Variants in ANGPT1 observed in about 807,000 individuals in gnomAD.
ANGPT1 encodes angiopoietin-1.
In ANGPT1, 17 loss-of-function variants were observed where a neutral mutation model predicts 62.2. The observed-to-expected ratio is 0.27, with a 90% CI of 0.19 to 0.41. ANGPT1 has a LOEUF of 0.41. Among genes scored for constraint, ANGPT1 ranks in the 10% least tolerant of loss-of-function variants. The pLI is 1.00. For missense variants in ANGPT1, 478 were observed against 594.9 expected (o/e 0.80, Z 2.04); for synonymous variants, 199 against 198.9 (o/e 1.00, Z 0.00).
In ANGPT1 at chr8:107,347,065, C is replaced by T. The variant is rs12056671; in HGVS notation, c.330G>A (p.Ser110=). ...CATTCTGCTGTATCTGGGCCATCTC[C>T]GACTTCATGTTTTCCACAATGTAAT... ...LENYIVENMK[S]EMAQIQQNAV... Residue 110 remains serine, a synonymous_variant, in exon 2 of 9, where the codon TCG becomes TCA. Transcript: ENST00000517746. 2.7e-5 allele frequency: 44 copies of T among 1,613,290 alleles called. No homozygotes were observed. The highest frequency in any genetic ancestry group is 1.6e-4 in the Middle Eastern group (1 of 6,080).
chr8:107,466,989 C>T (rs1409966784), intron 1 of ANGPT1, among the ~76,000 whole-genome samples: 3 of 152,058 alleles, frequency 2.0e-5, no homozygotes, highest in Non-Finnish European at 1.5e-5. Context: ...GTTAGGACTT[C>T]CTTCCCTCTT....
intron 7 of ANGPT1, among the ~76,000 whole-genome samples, chr8:107,265,963 C>A (rs1195876620): frequency 6.6e-6 from 1 of 151,996 alleles, no homozygotes; most frequent in Non-Finnish European, 1.5e-5. Context: ...AGATTTTGAG[C>A]CAGAGCAAAG....
chr8:107,321,958 T>C lies in ANGPT1; in HGVS notation c.746A>G (p.Lys249Arg), dbSNP rs776456216. The C allele has an allele frequency of 6.2e-7, 1 of 1,614,028 alleles. No individual in the cohort carries two copies. The highest frequency in any genetic ancestry group is 1.1e-5 in the South Asian group (1 of 91,082). The change falls in exon 4 of 9, where the codon AAG (lysine) becomes AGG (arginine). Residue 249 changes from lysine (K) to arginine (R), a missense_variant. Physicochemically the swap from Lys to Arg is conservative, Grantham distance 26 (BLOSUM62 2). Coordinates refer to ENST00000517746, the MANE Select transcript of ANGPT1 (RefSeq NM_001146.5). ...TGTGTCCATCAGCTCCAGTTGCTGCTTCTGAAGGACACTGTTGTTGGTGGT... is the reference window on the plus strand; with the variant it reads ...TGTGTCCATCAGCTCCAGTTGCTGCCTCTGAAGGACACTGTTGTTGGTGGT... ...RATTNNSVLQ[K>R]QQLELMDTVH...
chr8:107,320,748 G>A (rs893010845), intron 4 of ANGPT1, among the ~76,000 whole-genome samples: 9 of 152,060 alleles, frequency 5.9e-5, no homozygotes, highest in Non-Finnish European at 1.2e-4. Context: ...GATATAACTC[G>A]AGGTAATGGA....
chr8:107,467,585 T>A (rs1437610749), intron 1 of ANGPT1, among the ~76,000 whole-genome samples: 1 of 151,978 alleles, frequency 6.6e-6, no homozygotes, highest in African/African-American at 2.4e-5. Context: ...TAGGTTGAAA[T>A]AAAAGAAGTA....
intron 4 of ANGPT1, among the ~76,000 whole-genome samples, chr8:107,319,931 A>G (rs1017832687): frequency 6.6e-6 from 1 of 152,192 alleles, no homozygotes; most frequent in African/African-American, 2.4e-5. Context: ...TTGGAAAATT[A>G]GGCAATCACC....
chr8:107,363,122 T>TATGAACTCCAA (rs1816202371), intron 1 of ANGPT1, among the ~76,000 whole-genome samples: 1 of 147,230 alleles, frequency 6.8e-6, no homozygotes, highest in Non-Finnish European at 1.5e-5. Context: ...TTGTCAGCCA[T>TATGAACTCCAA]ATGAACTCCA....
intron 5 of ANGPT1, chr8:107,294,317 A>T (rs961887784): frequency 9.7e-5 from 22 of 227,624 alleles, no homozygotes; most frequent in African/African-American, 4.1e-4. Context: ...ACAACATTTT[A>T]AAAAATCTTT....
chr8:107,496,076 A>T (rs1813087054), intron 1 of ANGPT1, among the ~76,000 whole-genome samples: 1 of 152,348 alleles, frequency 6.6e-6, no homozygotes, highest in Non-Finnish European at 1.5e-5. Flanking sequence ...CACAGGAACA[A>T]AATAGAGCAT....
intron 1 of ANGPT1, chr8:107,494,469 C>T (rs951526175): frequency 2.0e-5 from 3 of 152,144 alleles, no homozygotes; most frequent in Non-Finnish European, 4.4e-5. Flanking sequence ...CAGAAACACA[C>T]CCAGGTGTTT....
intron 7 of ANGPT1, among the ~76,000 whole-genome samples, chr8:107,278,160 C>T (rs959823675): frequency 2.0e-5 from 3 of 151,900 alleles, no homozygotes; most frequent in African/African-American, 7.3e-5. Flanking sequence ...ACTGCAACCT[C>T]AACCTCCTGG....
intron 1 of ANGPT1, among the ~76,000 whole-genome samples, chr8:107,471,726 G>A (rs1812363897): frequency 6.6e-6 from 1 of 151,996 alleles, no homozygotes; most frequent in Non-Finnish European, 1.5e-5. Flanking sequence ...AGCAAGCACT[G>A]CTTAGCTTAG....
rs542295746 is a variant in ANGPT1 at position 107,456,062 on chromosome 8, A to G, written c.297+41200T>C. 1.1e-4 allele frequency among the ~76,000 whole-genome samples: 16 copies of G among 152,194 alleles called. No individual in the cohort carries two copies. The East Asian group carries it at 3.1e-3, about 29-fold the overall frequency. ...GCACATCAGCAGATGAGAGAGCAACATGATTGTATTAATAACAAAGTTTAT... is the reference window on the plus strand; with the variant it reads ...GCACATCAGCAGATGAGAGAGCAACGTGATTGTATTAATAACAAAGTTTAT... On this transcript the variant is annotated intron_variant, in intron 1 of 8. Transcript: ENST00000517746.
chr8:107,417,849 A>T (rs1810793125), intron 1 of ANGPT1, among the ~76,000 whole-genome samples: 1 of 151,998 alleles, frequency 6.6e-6, no homozygotes, highest in African/African-American at 2.4e-5. Context: ...GCAACATTGA[A>T]CAACATTGAC....
At chr8:107,418,874 C>G (rs1810821710) in intron 1 of ANGPT1, among the ~76,000 whole-genome samples, 2 of 152,138 alleles carry the variant, frequency 1.3e-5, no homozygotes, top group South Asian at 4.1e-4. Flanking sequence ...GCAAAACTGT[C>G]TAGGATAAGT....
intron 2 of ANGPT1, among the ~76,000 whole-genome samples, chr8:107,337,530 T>C (rs755500808): frequency 3.9e-5 from 6 of 152,222 alleles, no homozygotes; most frequent in Non-Finnish European, 7.3e-5. Flanking sequence ...CCTGACTCTT[T>C]CTTGTCCTTC....
chr8:107,433,975 C>T (rs116311697), intron 1 of ANGPT1, among the ~76,000 whole-genome samples: 6,999 of 152,224 alleles, frequency 0.046, 167 homozygotes, highest in Middle Eastern at 0.068. Context: ...ATATAATTCA[C>T]TATATCATAG....
At chr8:107,391,842 G>A (rs1816842259) in intron 1 of ANGPT1, among the ~76,000 whole-genome samples, 1 of 152,126 alleles carries the variant, frequency 6.6e-6, no homozygotes, top group Non-Finnish European at 1.5e-5. Flanking sequence ...TTGTAACATA[G>A]TGGTGTGAAT....
In ANGPT1 at chr8:107,386,364, A is replaced by T. The variant is rs1195795018; in HGVS notation, c.298-39267T>A. Among the ~76,000 whole-genome samples, 5 of 152,194 alleles carry T rather than the reference A, an allele frequency of 3.3e-5. No homozygotes were observed. In the South Asian group the frequency reaches 1.0e-3, roughly 32 times the overall value. Reference sequence around the variant, plus strand: ...AACATGCAATTTACCCATGTAACAAACCTGCATGTTGTACACCTTGAATAT... The same window carrying T: ...AACATGCAATTTACCCATGTAACAATCCTGCATGTTGTACACCTTGAATAT... On this transcript the variant is annotated intron_variant, in intron 1 of 8. Transcript: ENST00000517746.
Sources: allele counts gnomAD v4.1 joint callset (sites outside exome capture counted in the v4.1 genomes callset), GRCh38; gene constraint gnomAD v4.1.1; transcripts MANE v1.5; gene names NCBI Gene and HGNC (gene_info 2026-07-23, HGNC 2026-07-21).